The following ZBTB40 variants were observed in gnomAD, a reference collection of about 807,000 sequenced individuals.
ZBTB40 encodes zinc finger and BTB domain containing 40.
A neutral mutation model predicts 117.5 loss-of-function variants in ZBTB40; 60 were observed. The observed-to-expected ratio is 0.51, with a 90% CI of 0.41 to 0.63. The LOEUF (loss-of-function observed/expected upper bound fraction) is 0.63. Ranked by LOEUF, ZBTB40 falls within the 30% of genes least tolerant of loss-of-function variation. ZBTB40 has a pLI of 0.00. For synonymous variants in ZBTB40, 525 were observed against 577.1 expected, an observed-to-expected ratio of 0.91 and a Z score of 1.29; for missense variants, 1,287 against 1,498.5, an observed-to-expected ratio of 0.86 and a Z score of 2.33.
At chr1:22,463,932 A>G (rs149928891) in intron 1 of ZBTB40, among the ~76,000 whole-genome samples, 1 of 152,392 alleles carries the variant, frequency 6.6e-6, no homozygotes, top group East Asian at 1.9e-4. Flanking sequence ...ATCAGGAATC[A>G]GATGCTACCT....
intron 3 of ZBTB40, among the ~76,000 whole-genome samples, chr1:22,500,426 A>T (rs2124442549): frequency 6.6e-6 from 1 of 152,332 alleles, no homozygotes; most frequent in South Asian, 2.1e-4. Flanking sequence ...GTGATAGTTA[A>T]AGCTATACAT....
chr1:22,433,111 A>C (rs1040379039), intron 1 of ZBTB40, among the ~76,000 whole-genome samples: 1 of 152,058 alleles, frequency 6.6e-6, no homozygotes, highest in African/African-American at 2.4e-5. Flanking sequence ...TTGGGGAAAA[A>C]ATACAAAAGA....
At chr1:22,460,109 T>C (rs1641097495) in intron 1 of ZBTB40, among the ~76,000 whole-genome samples, 2 of 152,204 alleles carry the variant, frequency 1.3e-5, no homozygotes, top group African/African-American at 4.8e-5. Flanking sequence ...CTAAATCTCC[T>C]TCTTTTGTCC....
At chr1:22,483,941 A>G (rs1241899638) in intron 1 of ZBTB40, among the ~76,000 whole-genome samples, 3 of 152,204 alleles carry the variant, frequency 2.0e-5, no homozygotes, top group Non-Finnish European at 4.4e-5. Context: ...TGTAAGGTCT[A>G]TGTCTAGATT....
At position 22,502,200 on chromosome 1, in the gene ZBTB40, C is replaced by T. The variant is rs1638953483; in HGVS notation, c.1025-99C>T. 4.5e-5 allele frequency: 64 copies of T among 1,411,470 alleles called. No homozygotes were observed. The East Asian group carries it at 1.6e-3, about 35-fold the overall frequency. The allele number at this position is 1,411,470 out of a possible 1,614,324, so 87.4% of individuals were successfully genotyped here. ...CAGGTGCTCAGAATAAGCTGAAAAT[C>T]ACTTTACTATTCTGTTAGATCTCTC... is the stretch of plus-strand genomic sequence containing the variant. On this transcript the variant is annotated intron_variant, in intron 4 of 17. Coordinates refer to ENST00000375647, the MANE Select transcript of ZBTB40 (RefSeq NM_014870.4).
chr1:22,444,482 GC>G (rs987671994), intron 1 of ZBTB40, among the ~76,000 whole-genome samples: 1 of 152,134 alleles, frequency 6.6e-6, no homozygotes, highest in Non-Finnish European at 1.5e-5. Context: ...GATAGAAAAA[GC>G]CTGAAACTGG....
chr1:22,431,793 G>T (rs1159390046), intron 1 of ZBTB40, among the ~76,000 whole-genome samples: 2 of 150,490 alleles, frequency 1.3e-5, no homozygotes, highest in Non-Finnish European at 2.9e-5. Context: ...TGGATGCTTT[G>T]CTGTCTTAGG....
chr1:22,490,258 G>C lies in ZBTB40; in HGVS notation c.310G>C (p.Asp104His). Residue 104 changes from aspartate (D) to histidine (H), a missense_variant, in exon 2 of 18, where the codon GAT becomes CAT. By Grantham distance (81) the Asp-to-His change is moderately conservative. This residue lies in a region of ZBTB40 where 870 missense variants were observed against 934.4 expected (regional missense o/e 0.93). Coordinates refer to ENST00000375647, the MANE Select transcript of ZBTB40 (RefSeq NM_014870.4). ...ISLADSLQMF[D>H]VAVSCKNLLT... ...CTTAGCAGACAGTCTACAGATGTTT[G>C]ATGTAGCTGTTAGCTGCAAAAATCT... is the stretch of plus-strand genomic sequence containing the variant. 6.2e-7 allele frequency: 1 copy of C among 1,614,194 alleles called. No individual in the cohort carries two copies. Among genetic ancestry groups the C allele is most frequent in the Non-Finnish European group, 8.5e-7 (1 of 1,180,046 alleles).
intron 1 of ZBTB40, among the ~76,000 whole-genome samples, chr1:22,435,472 C>T (rs1433047096): frequency 6.6e-6 from 1 of 150,520 alleles, no homozygotes; most frequent in Non-Finnish European, 1.5e-5. Context: ...TCCCCCACAT[C>T]TCTCTCTCTC....
chr1:22,518,706 G>A lies in ZBTB40; in HGVS notation c.2833+1242G>A, dbSNP rs141743552. ...ATGTGGCTAGACATTGGGTGATGCA[G>A]GGGGAAAATAAAGTGTGGCCCTTTC... is the stretch of plus-strand genomic sequence containing the variant. On this transcript the variant is annotated intron_variant, in intron 13 of 17. Coordinates refer to ENST00000375647, the MANE Select transcript of ZBTB40 (RefSeq NM_014870.4). 1.5e-3 allele frequency among the ~76,000 whole-genome samples: 223 copies of A among 152,292 alleles called. 1 individual carries two copies. The highest frequency in any genetic ancestry group is 5.0e-3 in the Admixed American group (76 of 15,302).
At position 22,508,626 on chromosome 1, in the gene ZBTB40, AT is replaced by A; in HGVS notation, c.1597del (p.Trp533GlyfsTer35). The A allele has an allele frequency of 6.2e-7, 1 of 1,614,196 alleles. No homozygotes were observed. The highest frequency in any genetic ancestry group is 8.5e-7 in the Non-Finnish European group (1 of 1,180,040). Reference protein sequence around the residue: ...LEKQTLSATAIWQLLLVVQET... With the variant: ...LEKQTLSATAXWQLLLVVQET... Reference sequence around the variant, plus strand: ...AAAGCAGACTCTCTCTGCCACAGCCATTTGGCAACTGCTGCTGGTGGTTCAG... The same window carrying A: ...AAAGCAGACTCTCTCTGCCACAGCCATTGGCAACTGCTGCTGGTGGTTCAG... On this transcript the variant is annotated frameshift_variant, in exon 8 of 18. Transcript: ENST00000375647. LOFTEE classifies it high-confidence loss of function.
At chr1:22,479,922 G>C (rs185546508) in intron 1 of ZBTB40, among the ~76,000 whole-genome samples, 6 of 151,524 alleles carry the variant, frequency 4.0e-5, no homozygotes, top group African/African-American at 9.7e-5. Context: ...TGTTTTTTTG[G>C]GGGGGACAGA....
At position 22,520,321 on chromosome 1, in the gene ZBTB40, A is replaced by C. The variant is rs116277478; in HGVS notation, c.3048+46A>C. 4,408 of 1,511,392 alleles carry C rather than the reference A, an allele frequency of 2.9e-3. 108 individuals are homozygous for C. The African/African-American group carries it at 0.052, about 18-fold the overall frequency. The allele number at this position is 1,511,392 out of a possible 1,614,324, so 93.6% of individuals were successfully genotyped here. A position where few individuals can be genotyped will look rare whatever the true frequency, so the allele number is the denominator to read the frequency against. On this transcript the variant is annotated intron_variant, in intron 14 of 17. Coordinates refer to ENST00000375647, the MANE Select transcript of ZBTB40 (RefSeq NM_014870.4). The stretch of plus-strand genomic sequence containing the variant: ...GAGCTCTTCCCCTCACCCCTGACCT[A>C]CTCTCCATTTGATCTTCCCTGATGC...
Position 22,530,184 on chromosome 1 carries a change from A to T in ZBTB40, c.*3788A>T, listed in dbSNP as rs1376806170. The T allele has an allele frequency of 6.6e-6, 1 of 152,354 alleles. No individual in the cohort carries two copies. Among genetic ancestry groups the T allele is most frequent in the Non-Finnish European group, 1.5e-5 (1 of 68,110 alleles). 9.4% of individuals were successfully genotyped at this position (152,354 alleles called of 1,614,324 possible). ...CCTAGGCAGTTGGACGATAATGGAG[A>T]AAAAGCAGGGATGCTATAATGAGTC... On this transcript the variant is annotated 3_prime_UTR_variant, in exon 18 of 18. Transcript: ENST00000375647.
chr1:22,503,613 A>ACG (rs66714998), intron 5 of ZBTB40, among the ~76,000 whole-genome samples: 122 of 150,726 alleles, frequency 8.1e-4, no homozygotes, highest in African/African-American at 2.7e-3. Flanking sequence ...GTGCGCACGC[A>ACG]CACACACACA....
At chr1:22,522,763 A>ATT (rs1390398487) in intron 16 of ZBTB40, among the ~76,000 whole-genome samples, 14 of 123,358 alleles carry the variant, frequency 1.1e-4, no homozygotes, top group African/African-American at 3.9e-4. Context: ...AAGATATACC[A>ATT]TTTTTATTTT....
intron 5 of ZBTB40, among the ~76,000 whole-genome samples, chr1:22,505,468 G>C (rs10917243): frequency 0.34 from 51,083 of 151,934 alleles, 9,895 homozygotes; most frequent in African/African-American, 0.5. Flanking sequence ...GAGAATCAGA[G>C]GAATGGATAA....
At chr1:22,451,658 AAAG>A (rs1640871540), upstream of ZBTB40, among the ~76,000 whole-genome samples, 1 of 152,032 alleles carries the variant, frequency 6.6e-6, no homozygotes, top group Non-Finnish European at 1.5e-5. Flanking sequence ...AAAAAAAAAA[AAAG>A]AAAAAAACTT....
chr1:22,435,404 T>C (rs1232729359), intron 1 of ZBTB40, among the ~76,000 whole-genome samples: 1 of 152,198 alleles, frequency 6.6e-6, no homozygotes, highest in Non-Finnish European at 1.5e-5. Context: ...CTGGTTTCTG[T>C]ATATTTGTTT....
Sources: gnomAD v4.1 joint callset for allele counts (sites outside exome capture counted in the v4.1 genomes callset) on GRCh38, gnomAD v4.1.1 for gene constraint, gnomAD v4.1.1 regional missense constraint, MANE v1.5 for transcripts, NCBI Gene and HGNC (gene_info 2026-07-23, HGNC 2026-07-21) for gene names.